The following RFX4 variants were observed in gnomAD, a reference collection of about 807,000 sequenced individuals.
The protein encoded by RFX4 is transcription factor RFX4.
In RFX4, 10 loss-of-function variants were observed where a neutral mutation model predicts 95.0. The ratio of observed to expected loss-of-function variants is 0.11; its 90% CI spans 0.06 to 0.18. The LOEUF is 0.18. Among genes scored for constraint, RFX4 ranks in the 10% least tolerant of loss-of-function variants. RFX4 has a pLI of 1.00. For synonymous variants in RFX4, 321 were observed against 340.7 expected (o/e 0.94, Z 0.64); for missense variants, 640 against 922.0 (o/e 0.69, Z 3.96).
chr12:106,668,995 A>G (rs2041230767), intron 4 of RFX4, among the ~76,000 whole-genome samples: 1 of 152,246 alleles, frequency 6.6e-6, no homozygotes, highest in Non-Finnish European at 1.5e-5. Flanking sequence ...AGGCTTAATG[A>G]TGTCTTAAAT....
chr12:106,631,336 T>G (rs1460091724), intron 2 of RFX4, among the ~76,000 whole-genome samples: 7 of 152,190 alleles, frequency 4.6e-5, no homozygotes, highest in Non-Finnish European at 1.0e-4. Flanking sequence ...CCCTACCACA[T>G]GTGGGTGCTG....
At chr12:106,733,699 A>G (rs1331882015) in intron 15 of RFX4, among the ~76,000 whole-genome samples, 1 of 152,212 alleles carries the variant, frequency 6.6e-6, no homozygotes, top group Non-Finnish European at 1.5e-5. Flanking sequence ...TCTTCAGCTA[A>G]GCTAGAGCTG....
At chr12:106,629,283 C>T (rs192481230) in intron 2 of RFX4, among the ~76,000 whole-genome samples, 37 of 152,220 alleles carry the variant, frequency 2.4e-4, no homozygotes, top group African/African-American at 8.9e-4. Flanking sequence ...GGGCTGTTTC[C>T]AAACTTTTGC....
At chr12:106,726,192 G>A (rs1452994152) in intron 13 of RFX4, among the ~76,000 whole-genome samples, 1 of 150,208 alleles carries the variant, frequency 6.7e-6, no homozygotes, top group Non-Finnish European at 1.5e-5. Flanking sequence ...AGGTTGCAGT[G>A]AGCTGAGATC....
At chr12:106,734,312 T>A (rs2204886) in intron 15 of RFX4, among the ~76,000 whole-genome samples, 96,897 of 152,040 alleles carry the variant, frequency 0.64, 32,705 homozygotes, top group African/African-American at 0.88. Context: ...GAAAATGGTT[T>A]ATACTGGGCG....
chr12:106,624,433 T>C (rs1324408489), intron 2 of RFX4, among the ~76,000 whole-genome samples: 1 of 152,172 alleles, frequency 6.6e-6, no homozygotes, highest in Non-Finnish European at 1.5e-5. Flanking sequence ...CAAGCAATTC[T>C]CCTGCCTCAG....
At chr12:106,707,049 C>T (rs2042098809) in intron 8 of RFX4, among the ~76,000 whole-genome samples, 1 of 152,048 alleles carries the variant, frequency 6.6e-6, no homozygotes, top group Admixed American at 6.6e-5. Context: ...GTTTGAAACA[C>T]TTCAGAAAAG....
At chr12:106,599,886 T>A (rs1169641401) in intron 1 of RFX4, among the ~76,000 whole-genome samples, 1 of 152,064 alleles carries the variant, frequency 6.6e-6, no homozygotes, top group East Asian at 1.9e-4. Context: ...ATGTTCAGGT[T>A]TGGATGATAA....
chr12:106,723,958 C>T (rs556284448), intron 13 of RFX4, among the ~76,000 whole-genome samples: 68 of 152,182 alleles, frequency 4.5e-4, no homozygotes, highest in Non-Finnish European at 6.2e-4. Context: ...CCATGCTACA[C>T]TGCCACCACC....
chr12:106,742,557 C>A (rs895115349), intron 15 of RFX4, among the ~76,000 whole-genome samples: 5 of 152,152 alleles, frequency 3.3e-5, no homozygotes, highest in East Asian at 3.8e-4. Context: ...CTTTGTTACT[C>A]AAAGTGTGGT....
At chr12:106,687,188 A>T (rs1275001924) in intron 6 of RFX4, 91 bp downstream of exon 6, 8,059 of 216,444 alleles carry the variant, frequency 0.037, 21 homozygotes, top group East Asian at 0.12. Flanking sequence ...TCTCTCACAC[A>T]CACACACACA....
intron 13 of RFX4, 135 bp downstream of exon 13, chr12:106,721,011 G>T (rs1486249357): frequency 2.8e-6 from 2 of 727,054 alleles, no homozygotes; most frequent in African/African-American, 3.5e-5. Context: ...GGGGAGACAT[G>T]ACATTGTTAG....
intron 3 of RFX4, among the ~76,000 whole-genome samples, chr12:106,653,681 T>G (rs1368736235): frequency 1.3e-5 from 2 of 152,224 alleles, no homozygotes; most frequent in African/African-American, 2.4e-5. Flanking sequence ...CTTCCTCCTC[T>G]GGTCATGAGA....
chr12:106,631,970 G>T (rs997991324), intron 2 of RFX4, among the ~76,000 whole-genome samples: 1 of 152,182 alleles, frequency 6.6e-6, no homozygotes, highest in African/African-American at 2.4e-5. Flanking sequence ...CCTTTGAACC[G>T]GAAGTGGTTC....
intron 15 of RFX4, among the ~76,000 whole-genome samples, chr12:106,735,261 TA>T (rs946358193): frequency 2.0e-5 from 3 of 151,810 alleles, no homozygotes; most frequent in Non-Finnish European, 4.4e-5. Flanking sequence ...CAAAAAGAAA[TA>T]GTAAGTATAA....
chr12:106,713,894 C>T (rs1041753528), intron 10 of RFX4, among the ~76,000 whole-genome samples: 15 of 151,560 alleles, frequency 9.9e-5, no homozygotes, highest in African/African-American at 3.6e-4. Flanking sequence ...ATGTCGAAAC[C>T]CTGTCTCTAC....
intron 15 of RFX4, among the ~76,000 whole-genome samples, chr12:106,739,045 T>C (rs1294722695): frequency 6.6e-6 from 1 of 152,014 alleles, no homozygotes; most frequent in Non-Finnish European, 1.5e-5. Context: ...TTGACTTATA[T>C]ATCCCATCTA....
chr12:106,697,944 C>T (rs990964434), intron 8 of RFX4, among the ~76,000 whole-genome samples: 2 of 150,392 alleles, frequency 1.3e-5, no homozygotes, highest in Non-Finnish European at 3.0e-5. Context: ...TGTGTGTGTT[C>T]GTGTGTGTTT....
chr12:106,739,452 A>G (rs905946733), intron 15 of RFX4, among the ~76,000 whole-genome samples: 1 of 152,058 alleles, frequency 6.6e-6, no homozygotes, highest in African/African-American at 2.4e-5. Context: ...ATTGCACATA[A>G]CCTTTTGGCA....
Sources: gnomAD v4.1 joint callset for allele counts (sites outside exome capture counted in the v4.1 genomes callset) on GRCh38, gnomAD v4.1.1 for gene constraint, MANE v1.5 for transcripts, NCBI Gene and HGNC (gene_info 2026-07-23, HGNC 2026-07-21) for gene names.